Variants in TCTN2 observed in about 807,000 individuals in gnomAD.
TCTN2 encodes the protein tectonic family member 2.
Under a neutral mutation model 83.4 loss-of-function variants are expected in TCTN2, and 66 were observed. That is an observed-to-expected ratio of 0.79 (90% CI 0.65 to 0.97). The LOEUF is 0.97. Ranked by LOEUF, TCTN2 falls within the 50% of genes least tolerant of loss-of-function variation. The pLI is 0.00. For missense variants in TCTN2, 794 were observed against 858.1 expected (o/e 0.93, Z 0.93); for synonymous variants, 301 against 326.7 (o/e 0.92, Z 0.85).
Position 123,707,875 on chromosome 12 carries a change from T to C in TCTN2, c.*162T>C, listed in dbSNP as rs1956250330. Reference sequence around the variant, plus strand: ...ACAGGCATGCACCACCACGCCCGGCTAATTTTGTATTTTTAGTAGAGACAG... The same window carrying C: ...ACAGGCATGCACCACCACGCCCGGCCAATTTTGTATTTTTAGTAGAGACAG... On this transcript the variant is annotated 3_prime_UTR_variant, in exon 18 of 18. Transcript: ENST00000303372. 1.5e-6 allele frequency: 1 copy of C among 651,126 alleles called. No individual in the cohort carries two copies. Among genetic ancestry groups the C allele is most frequent in the South Asian group, 1.7e-5 (1 of 59,530 alleles). 40.3% of individuals were successfully genotyped at this position (651,126 alleles called of 1,614,324 possible). A position where few individuals can be genotyped will look rare whatever the true frequency, so the allele number is the denominator to read the frequency against.
chr12:123,687,721 G>C (rs1955990233), intron 6 of TCTN2, among the ~76,000 whole-genome samples: 1 of 151,984 alleles, frequency 6.6e-6, no homozygotes, highest in Non-Finnish European at 1.5e-5. Context: ...CCAGCACTTT[G>C]GGATGCTGAG....
chr12:123,671,584 G>C lies in TCTN2; in HGVS notation c.160G>C (p.Val54Leu), dbSNP rs769865285. 1 of 1,613,474 alleles carries C rather than the reference G, an allele frequency of 6.2e-7. No homozygotes were observed. Among genetic ancestry groups the C allele is most frequent in the Admixed American group, 1.7e-5 (1 of 60,000 alleles). ...GGTCGGAGACACCGAGGGTGTGACC[G>C]TGTCCCTGGCAGTGCTGCAGGACGA... ...SLVGDTEGVT[V>L]SLAVLQDEAG... Residue 54 changes from valine to leucine, a missense_variant, in exon 2 of 18, where the codon GTG becomes CTG. Physicochemically the swap from Val to Leu is conservative, Grantham distance 32. Coordinates refer to ENST00000303372, the MANE Select transcript of TCTN2 (RefSeq NM_024809.5).
chr12:123,695,129 CAA>C (rs1956091909), intron 10 of TCTN2, 89 bp from the exon 11 acceptor site: 2 of 1,407,032 alleles, frequency 1.4e-6, no homozygotes. Flanking sequence ...CTTTGTATGA[CAA>C]AATGCAATTT....
intron 13 of TCTN2, among the ~76,000 whole-genome samples, chr12:123,698,602 C>T (rs1044049573): frequency 2.0e-5 from 3 of 151,222 alleles, no homozygotes; most frequent in East Asian, 3.9e-4. Flanking sequence ...GCTGATTTTT[C>T]GTATTTTTTG....
At chr12:123,673,934 C>G in intron 4 of TCTN2, 124 bp downstream of exon 4, 1 of 887,486 alleles carries the variant, frequency 1.1e-6, no homozygotes, top group Non-Finnish European at 1.8e-6. Flanking sequence ...GAGGTTAATG[C>G]TACAAATGAG....
At chr12:123,707,357 G>A (rs1262904232) in intron 17 of TCTN2, 2 of 615,396 alleles carry the variant, frequency 3.2e-6, no homozygotes, top group Admixed American at 2.7e-5. Context: ...GACAACTCTC[G>A]TGCCTCAGCC....
Position 123,699,995 on chromosome 12 carries a change from C to A in TCTN2, c.1612+185C>A, listed in dbSNP as rs1035591540. The A allele has an allele frequency of 4.1e-5, 27 of 655,292 alleles. 1 individual carries two copies. Among genetic ancestry groups the A allele is most frequent in the Middle Eastern group, 4.0e-4 (1 of 2,528 alleles). The allele number at this position is 655,292 out of a possible 1,614,324, so 40.6% of individuals were successfully genotyped here. A position where few individuals can be genotyped will look rare whatever the true frequency, so the allele number is the denominator to read the frequency against. On this transcript the variant is annotated intron_variant, in intron 14 of 17. Coordinates refer to ENST00000303372, the MANE Select transcript of TCTN2 (RefSeq NM_024809.5). ...TGGCATGTCTTTTTCTTCTTATTCA[C>A]AATGACTTTTTTGATTTTCTGTTTT...
At chr12:123,684,493 C>T (rs779493059) in intron 5 of TCTN2, among the ~76,000 whole-genome samples, 9 of 151,130 alleles carry the variant, frequency 6.0e-5, no homozygotes, top group African/African-American at 1.7e-4. Context: ...CTCCGCCTCC[C>T]GGGTTCAAGC....
chr12:123,693,742 C>T (rs1269182158), intron 9 of TCTN2, among the ~76,000 whole-genome samples: 3 of 152,030 alleles, frequency 2.0e-5, no homozygotes, highest in Non-Finnish European at 2.9e-5. Flanking sequence ...GCGTGAGCCA[C>T]GGCGACTGGC....
At chr12:123,700,955 A>G (rs1357459784) in intron 14 of TCTN2, among the ~76,000 whole-genome samples, 1 of 152,230 alleles carries the variant, frequency 6.6e-6, no homozygotes, top group Non-Finnish European at 1.5e-5. Context: ...CTCTAAAAAT[A>G]AAACAAAATA....
intron 14 of TCTN2, 187 bp downstream of exon 14, chr12:123,699,997 A>G (rs544354669): frequency 1.5e-6 from 1 of 653,124 alleles, no homozygotes; most frequent in South Asian, 1.7e-5. Context: ...CTTATTCACA[A>G]TGACTTTTTT....
intron 14 of TCTN2, among the ~76,000 whole-genome samples, chr12:123,702,582 G>T (rs937611404): frequency 3.9e-5 from 6 of 152,184 alleles, no homozygotes; most frequent in African/African-American, 1.4e-4. Flanking sequence ...TCTAGCTGGT[G>T]CTCAAGGCAC....
intron 13 of TCTN2, among the ~76,000 whole-genome samples, chr12:123,697,500 T>A (rs1956123860): frequency 1.3e-5 from 2 of 152,118 alleles, no homozygotes; most frequent in Non-Finnish European, 2.9e-5. Flanking sequence ...TTGTTGTTGT[T>A]GTGTGGTTTT....
Position 123,671,154 on chromosome 12 carries a change from A to G in TCTN2, c.-87A>G. The G allele has an allele frequency of 1.6e-6, 2 of 1,287,578 alleles. No individual in the cohort carries two copies. The highest frequency in any genetic ancestry group is 2.5e-5 in the East Asian group (1 of 39,928). 79.8% of individuals were successfully genotyped at this position (1,287,578 alleles called of 1,614,324 possible). ...GCTTGCAAGATGGCGGCGGCGGGGC[A>G]GTGGCTGCTGCGTTTTCGTGTCTGA... On this transcript the variant is annotated 5_prime_UTR_variant, in exon 1 of 18. Transcript: ENST00000303372.
In TCTN2 at chr12:123,692,324, C is replaced by T. The variant is rs138463618; in HGVS notation, c.1034-334C>T. 2.5e-3 allele frequency among the ~76,000 whole-genome samples: 384 copies of T among 152,332 alleles called. 2 individuals are homozygous for T. Among genetic ancestry groups the T allele is most frequent in the African/African-American group, 8.8e-3 (366 of 41,580 alleles). ...CCTCCCAAAGTGCTGGGATTATAGG[C>T]GTGAGCCCCTGCGCCTGGCCAATTG... On this transcript the variant is annotated intron_variant, in intron 8 of 17. Transcript: ENST00000303372.
chr12:123,705,004 A>C (rs990648616), intron 15 of TCTN2, among the ~76,000 whole-genome samples: 3 of 151,996 alleles, frequency 2.0e-5, no homozygotes, highest in African/African-American at 7.3e-5. Context: ...ATCAGAGAAT[A>C]TTGTCTGTGG....
intron 8 of TCTN2, among the ~76,000 whole-genome samples, chr12:123,691,559 A>G (rs961001879): frequency 3.3e-5 from 5 of 152,182 alleles, no homozygotes; most frequent in African/African-American, 1.2e-4. Context: ...GTTGATGGAC[A>G]TGTGGGTTGT....
intron 4 of TCTN2, among the ~76,000 whole-genome samples, chr12:123,676,978 G>T (rs1341537014): frequency 6.6e-6 from 1 of 152,128 alleles, no homozygotes; most frequent in Non-Finnish European, 1.5e-5. Context: ...AGGAGTTTGA[G>T]ACCAGCATGG....
chr12:123,682,919 G>A (rs1014507622), intron 5 of TCTN2, among the ~76,000 whole-genome samples: 3 of 151,784 alleles, frequency 2.0e-5, no homozygotes, highest in Admixed American at 6.6e-5. Flanking sequence ...TAATCCTGGC[G>A]AAATACACAT....
Sources: gnomAD v4.1 joint callset for allele counts (sites outside exome capture counted in the v4.1 genomes callset) on GRCh38, gnomAD v4.1.1 for gene constraint, MANE v1.5 for transcripts, NCBI Gene and HGNC (gene_info 2026-07-23, HGNC 2026-07-21) for gene names.